Variants in ANO6 observed in about 807,000 individuals in gnomAD.
ANO6 encodes anoctamin 6.
ANO6 carries 106 observed loss-of-function variants against 117.5 expected under a neutral mutation model. The observed-to-expected ratio is 0.90, with a 90% confidence interval of 0.77 to 1.06. The LOEUF (loss-of-function observed/expected upper bound fraction) is 1.06. Among genes scored for constraint, ANO6 ranks in the 50% least tolerant of loss-of-function variants. The probability of loss-of-function intolerance (pLI) is 0.00; values close to 1 mark genes in which losing one functional copy is unlikely to be tolerated. For missense variants in ANO6, 955 were observed against 1,121.1 expected (o/e 0.85, Z 2.12); for synonymous variants, 367 against 385.1 (o/e 0.95, Z 0.55).
At chr12:45,419,508 A>C (rs1405231442) in intron 17 of ANO6, among the ~76,000 whole-genome samples, 2 of 152,234 alleles carry the variant, frequency 1.3e-5, no homozygotes, top group Non-Finnish European at 2.9e-5. Context: ...TTCACATCAG[A>C]GGAAATGACA....
intron 16 of ANO6, among the ~76,000 whole-genome samples, chr12:45,411,180 A>C (rs1943077478): frequency 6.6e-6 from 1 of 152,246 alleles, no homozygotes; most frequent in African/African-American, 2.4e-5. Flanking sequence ...TGATTAGTCA[A>C]ATAAATGACA....
At chr12:45,303,425 T>C (rs1314612434) in intron 2 of ANO6, among the ~76,000 whole-genome samples, 3 of 152,346 alleles carry the variant, frequency 2.0e-5, no homozygotes, top group Admixed American at 2.0e-4. Context: ...CTCTTTTTTT[T>C]GTTGTTTTAT....
At chr12:45,354,004 C>T (rs1036576286) in intron 7 of ANO6, among the ~76,000 whole-genome samples, 3 of 151,928 alleles carry the variant, frequency 2.0e-5, no homozygotes, top group Admixed American at 1.3e-4. Context: ...CAGTCCAGGC[C>T]GGTACAATGT....
rs146404286 is a variant in ANO6, at chr12:45,247,716, A to G, written c.70+31325A>G. 4.4e-3 allele frequency among the ~76,000 whole-genome samples: 664 copies of G among 152,212 alleles called. 6 individuals carry two copies. The highest frequency in any genetic ancestry group is 0.015 in the African/African-American group (638 of 41,522). On this transcript the variant is annotated intron_variant, in intron 1 of 19. Transcript: ENST00000320560. ...CACTGTGTCTCTCTGTTTCCACATG[A>G]TGGAGAGAGAGACTGTGTGCATGAC...
chr12:45,331,947 C>T (rs771069325), intron 3 of ANO6, among the ~76,000 whole-genome samples: 27 of 152,028 alleles, frequency 1.8e-4, no homozygotes, highest in Admixed American at 6.6e-5. Flanking sequence ...GTGGTGAAGC[C>T]ATGGTTCAAA....
At chr12:45,247,909 T>C (rs1947849515) in intron 1 of ANO6, among the ~76,000 whole-genome samples, 1 of 152,210 alleles carries the variant, frequency 6.6e-6, no homozygotes, top group South Asian at 2.1e-4. Flanking sequence ...GTTCAGTTCA[T>C]AGCATCTAGT....
chr12:45,245,061 C>T (rs1034608524), intron 1 of ANO6, among the ~76,000 whole-genome samples: 5 of 152,136 alleles, frequency 3.3e-5, no homozygotes, highest in Admixed American at 2.6e-4. Context: ...AAGAACTGCC[C>T]TCTCCGGCCC....
At chr12:45,264,447 A>T in intron 1 of ANO6, among the ~76,000 whole-genome samples, 1 of 152,184 alleles carries the variant, frequency 6.6e-6, no homozygotes, top group East Asian at 1.9e-4. Flanking sequence ...GTAATCAGTT[A>T]TGTCTTATTT....
In ANO6 at chr12:45,431,267, C is replaced by G; in HGVS notation, c.*1956C>G. ...ATTCGCAGCCAAGACGGGAGTGCCA[C>G]TGTTCCTCTCTTCACTCCTGAGATA... On this transcript the variant is annotated 3_prime_UTR_variant, in exon 20 of 20. Coordinates refer to ENST00000320560, the MANE Select transcript of ANO6 (RefSeq NM_001025356.3). 1.0e-6 allele frequency: 1 copy of G among 985,404 alleles called. No individual in the cohort carries two copies. Among genetic ancestry groups the G allele is most frequent in the Non-Finnish European group, 1.2e-6 (1 of 829,930 alleles). The allele number at this position is 985,404 out of a possible 1,614,324, so 61.0% of individuals were successfully genotyped here.
intron 18 of ANO6, among the ~76,000 whole-genome samples, chr12:45,422,601 G>C (rs1040690197): frequency 1.3e-5 from 2 of 148,504 alleles, no homozygotes; most frequent in East Asian, 4.0e-4. Flanking sequence ...TTGAGACAGC[G>C]TCCTGCTCTG....
chr12:45,217,676 T>C (rs530489495), intron 1 of ANO6, among the ~76,000 whole-genome samples: 1 of 152,170 alleles, frequency 6.6e-6, no homozygotes. Context: ...CAAACCCAGG[T>C]TTTCTGACTT....
chr12:45,419,387 A>G (rs543033129), intron 17 of ANO6, among the ~76,000 whole-genome samples: 43 of 152,366 alleles, frequency 2.8e-4, no homozygotes, highest in African/African-American at 1.0e-3. Flanking sequence ...GTTGAGTTAA[A>G]TGATAATAGC....
At chr12:45,292,337 G>T (rs1939129809) in intron 1 of ANO6, among the ~76,000 whole-genome samples, 1 of 152,204 alleles carries the variant, frequency 6.6e-6, no homozygotes, top group East Asian at 1.9e-4. Flanking sequence ...TGGGGAATTC[G>T]TGCTTAATGG....
At chr12:45,256,027 G>A (rs1282714014) in intron 1 of ANO6, among the ~76,000 whole-genome samples, 1 of 151,748 alleles carries the variant, frequency 6.6e-6, no homozygotes, top group Non-Finnish European at 1.5e-5. Context: ...TTTTGCCATG[G>A]TGGCCAGGCT....
At chr12:45,246,163 AC>A (rs1947822414) in intron 1 of ANO6, among the ~76,000 whole-genome samples, 1 of 152,200 alleles carries the variant, frequency 6.6e-6, no homozygotes, top group African/African-American at 2.4e-5. Flanking sequence ...TTCAGTTTAT[AC>A]CGGGGCTCAC....
intron 10 of ANO6, among the ~76,000 whole-genome samples, chr12:45,387,517 G>A (rs1942330998): frequency 6.6e-6 from 1 of 152,148 alleles, no homozygotes; most frequent in African/African-American, 2.4e-5. Flanking sequence ...GCAATAAGGT[G>A]CTGGAACATA....
chr12:45,334,463 C>T (rs559223376), intron 3 of ANO6, among the ~76,000 whole-genome samples: 1 of 152,030 alleles, frequency 6.6e-6, no homozygotes, highest in Non-Finnish European at 1.5e-5. Context: ...TGCTGCAACT[C>T]CAGGTAGCCA....
chr12:45,388,247 G>T lies in ANO6; in HGVS notation c.1252G>T (p.Ala418Ser). Residue 418 changes from alanine to serine, a missense_variant, in exon 11 of 20, where the codon GCC becomes TCC. Transcript: ENST00000320560. Reference sequence around the variant, plus strand: ...TGTTGAGTTACAGCAGGAAGAACAAGCCCGACCAGAATACGAAGCACGATG... The same window carrying T: ...TGTTGAGTTACAGCAGGAAGAACAATCCCGACCAGAATACGAAGCACGATG... ...DTVELQQEEQ[A>S]RPEYEARCTH... 6.2e-7 allele frequency: 1 copy of T among 1,614,106 alleles called. No individual in the cohort carries two copies. Among genetic ancestry groups the T allele is most frequent in the South Asian group, 1.1e-5 (1 of 91,072 alleles).
At chr12:45,339,157 A>G (rs1165182379) in intron 3 of ANO6, among the ~76,000 whole-genome samples, 3 of 152,106 alleles carry the variant, frequency 2.0e-5, no homozygotes, top group African/African-American at 7.2e-5. Context: ...GTACATGCAT[A>G]TATGCACAGA....
Sources: gnomAD v4.1 joint callset for allele counts (sites outside exome capture counted in the v4.1 genomes callset) on GRCh38, gnomAD v4.1.1 for gene constraint, MANE v1.5 for transcripts, NCBI Gene and HGNC (gene_info 2026-07-23, HGNC 2026-07-21) for gene names.